Variants in ECD observed in about 807,000 individuals in gnomAD.
ECD encodes the protein protein ecdysoneless homolog.
Under a neutral mutation model 77.2 loss-of-function variants are expected in ECD, and 59 were observed. The ratio of observed to expected loss-of-function variants is 0.76; its 90% CI spans 0.62 to 0.95. The LOEUF is 0.95. Ranked by LOEUF, ECD falls within the 40% of genes least tolerant of loss-of-function variation. The pLI, the probability that ECD is intolerant of heterozygous loss-of-function variation, is 0.00. For synonymous variants in ECD, 233 were observed against 267.4 expected (o/e 0.87, Z 1.26); for missense variants, 704 against 763.4 (o/e 0.92, Z 0.92).
chr10:73,137,839 T>G (rs1310297063), intron 12 of ECD, among the ~76,000 whole-genome samples, 164 bp downstream of exon 12: 1 of 151,430 alleles, frequency 6.6e-6, no homozygotes, highest in Non-Finnish European at 1.5e-5. Context: ...CTAGGCAGCC[T>G]CTACAAAATT....
At chr10:73,167,107 A>C (rs1455501994) in intron 1 of ECD, among the ~76,000 whole-genome samples, 1 of 152,184 alleles carries the variant, frequency 6.6e-6, no homozygotes, top group Non-Finnish European at 1.5e-5. Context: ...ACCTTTGCTG[A>C]AAATGAATTC....
chr10:73,161,692 C>T (rs2133274232), intron 2 of ECD, among the ~76,000 whole-genome samples: 1 of 152,280 alleles, frequency 6.6e-6, no homozygotes, highest in African/African-American at 2.4e-5. Flanking sequence ...CCTTCTGAGG[C>T]CAGCATTACC....
chr10:73,163,420 A>C (rs781719628), intron 2 of ECD, among the ~76,000 whole-genome samples: 1 of 152,206 alleles, frequency 6.6e-6, no homozygotes, highest in Non-Finnish European at 1.5e-5. Context: ...CAGATGCCTG[A>C]AACTATTTAG....
chr10:73,166,473 T>C (rs1843466002), intron 1 of ECD, among the ~76,000 whole-genome samples: 1 of 152,222 alleles, frequency 6.6e-6, no homozygotes, highest in Admixed American at 6.5e-5. Context: ...TTGCCAGCAT[T>C]TGTTATTGCC....
intron 8 of ECD, 113 bp from the exon 9 acceptor site, chr10:73,146,474 G>T: frequency 1.8e-6 from 1 of 554,220 alleles, no homozygotes; most frequent in South Asian, 3.1e-5. Context: ...CAGGAATCAC[G>T]TGCCCCAAGT....
chr10:73,140,244 A>C (rs1843035838), intron 9 of ECD, among the ~76,000 whole-genome samples: 1 of 151,422 alleles, frequency 6.6e-6, no homozygotes, highest in African/African-American at 2.4e-5. Flanking sequence ...TGGCCTCCCA[A>C]AGTGCTGGGA....
At chr10:73,142,205 C>T (rs1843066681) in intron 9 of ECD, among the ~76,000 whole-genome samples, 2 of 152,038 alleles carry the variant, frequency 1.3e-5, no homozygotes, top group Admixed American at 6.6e-5. Flanking sequence ...GATGGGGTTT[C>T]ACCATGTTGG....
chr10:73,145,449 A>G (rs1843111886), intron 9 of ECD, among the ~76,000 whole-genome samples: 1 of 152,164 alleles, frequency 6.6e-6, no homozygotes, highest in South Asian at 2.1e-4. Flanking sequence ...AAAAACCACA[A>G]ACTTTGGGAA....
At chr10:73,161,374 G>A (rs994394300) in intron 2 of ECD, among the ~76,000 whole-genome samples, 2 of 151,592 alleles carry the variant, frequency 1.3e-5, no homozygotes, top group East Asian at 3.9e-4. Flanking sequence ...TGAAAGAGGG[G>A]ACAGTACAAC....
rs1173392237 is a variant in ECD at position 73,134,026 on chromosome 10, T to A, written c.*557A>T. The A allele has an allele frequency of 6.5e-6, 1 of 152,694 alleles. No homozygotes were observed. The highest frequency in any genetic ancestry group is 1.5e-5 in the Non-Finnish European group (1 of 68,440). 9.5% of individuals were successfully genotyped at this position (152,694 alleles called of 1,614,324 possible). The stretch of plus-strand genomic sequence containing the variant: ...CTAAAAACCACTGAATTGTATAATT[T>A]AAAGGGTAAATTTTTTGGTATGTGA... On this transcript the variant is annotated 3_prime_UTR_variant, in exon 14 of 14. Transcript: ENST00000372979.
chr10:73,166,292 G>A (rs1486335435), intron 1 of ECD, among the ~76,000 whole-genome samples: 1 of 152,162 alleles, frequency 6.6e-6, no homozygotes, highest in African/African-American at 2.4e-5. Flanking sequence ...ACATGGGAGT[G>A]CAGATATCTC....
intron 9 of ECD, chr10:73,141,268 C>A (rs1442389445): frequency 1.3e-5 from 2 of 149,772 alleles, no homozygotes; most frequent in African/African-American, 5.0e-5. Context: ...CTTTGGGAGG[C>A]CAAGGCGGGC....
chr10:73,162,609 T>G (rs766821547), intron 2 of ECD, among the ~76,000 whole-genome samples: 2 of 152,078 alleles, frequency 1.3e-5, no homozygotes, highest in African/African-American at 2.4e-5. Context: ...AAACTGAGAG[T>G]ATCACAGTGA....
At position 73,160,525 on chromosome 10, in the gene ECD, C is replaced by T. The variant is rs150022527; in HGVS notation, c.232G>A (p.Val78Met). ...KGGVPAHMFG[V>M]TKFGDNIEDE... ...TCAATGTTATCCCCAAACTTTGTCA[C>T]GCCAAACATATGAGCAGGAACACCT... The change falls in exon 3 of 14, where the codon GTG becomes ATG. Residue 78 changes from valine to methionine, a missense_variant. Transcript: ENST00000372979. The T allele has an allele frequency of 3.2e-5, 52 of 1,610,850 alleles. No individual in the cohort carries two copies. Among genetic ancestry groups the T allele is most frequent in the African/African-American group, 2.1e-4 (16 of 74,764 alleles).
chr10:73,148,151 G>T, intron 8 of ECD, 125 bp downstream of exon 8: 2 of 1,209,618 alleles, frequency 1.7e-6, no homozygotes, highest in Non-Finnish European at 1.1e-6. Context: ...GAACTAGAAA[G>T]GTCTCCTTTA....
chr10:73,145,362 T>A (rs558567687), intron 9 of ECD, among the ~76,000 whole-genome samples: 7 of 151,236 alleles, frequency 4.6e-5, no homozygotes, highest in Non-Finnish European at 1.0e-4. Context: ...TAAATAATAA[T>A]AACAATAAAT....
intron 3 of ECD, 34 bp downstream of exon 3, chr10:73,160,400 A>G (rs777447268): frequency 1.8e-5 from 26 of 1,413,670 alleles, no homozygotes; most frequent in Non-Finnish European, 2.4e-5. Flanking sequence ...TCAGTAATAG[A>G]ATTCCTTTAG....
At position 73,139,635 on chromosome 10, in the gene ECD, C is replaced by T; in HGVS notation, c.1230G>A (p.Glu410=). Residue 410 remains glutamate, a synonymous_variant, in exon 10 of 14, where the codon GAG becomes GAA. Coordinates refer to ENST00000372979, the MANE Select transcript of ECD (RefSeq NM_007265.3). ...GTATCCTGGTCCATCACTTACCATC[C>T]TCTGGGGGAAGATTAGCTGCTTCTT... The part of the protein sequence containing the change: ...LKKEAANLPP[E]DDDQWLDLSP... The T allele has an allele frequency of 6.2e-7, 1 of 1,607,426 alleles. No homozygotes were observed. Among genetic ancestry groups the T allele is most frequent in the Non-Finnish European group, 8.5e-7 (1 of 1,177,586 alleles).
Position 73,139,710 on chromosome 10 carries a change from T to A in ECD, c.1155A>T (p.Glu385Asp), listed in dbSNP as rs148267944. 577 of 1,608,204 alleles carry A rather than the reference T, an allele frequency of 3.6e-4. 6 individuals are homozygous for A. In the East Asian group the frequency reaches 9.4e-3, roughly 26 times the overall value. Reference sequence around the variant, plus strand: ...GTATTGTCTGTAATAAGGTTAAGATTTCTTCACCAGGGCTCATAGCAAGAG... The same window carrying A: ...GTATTGTCTGTAATAAGGTTAAGATATCTTCACCAGGGCTCATAGCAAGAG... ...ESSLAMSPGEEILTLLQTIPF... is the reference protein window; with the variant it reads ...ESSLAMSPGEDILTLLQTIPF... Residue 385 changes from glutamate (E) to aspartate (D), a missense_variant, in exon 10 of 14, where the codon GAA becomes GAT. Glu to Asp is a conservative substitution (Grantham distance 45). Transcript: ENST00000372979.
Sources: allele counts gnomAD v4.1 joint callset (sites outside exome capture counted in the v4.1 genomes callset), GRCh38; gene constraint gnomAD v4.1.1; transcripts MANE v1.5; gene names NCBI Gene and HGNC (gene_info 2026-07-23, HGNC 2026-07-21).